Variants in ZNF704 observed in about 807,000 individuals in gnomAD.
The protein encoded by ZNF704 is zinc finger protein 704, also known as glucocorticoid induced gene 1.
A neutral mutation model predicts 44.7 loss-of-function variants in ZNF704; 10 were observed. That is an observed-to-expected ratio of 0.22 (90% CI 0.14 to 0.38). The LOEUF (loss-of-function observed/expected upper bound fraction) is 0.38, where lower values mean the gene tolerates loss of function less well. ZNF704 is among the 10% of genes least tolerant of loss of function. The probability of loss-of-function intolerance (pLI) is 1.00; values close to 1 mark genes in which losing one functional copy is unlikely to be tolerated. For missense variants in ZNF704, 390 were observed against 545.5 expected, an observed-to-expected ratio of 0.71 and a Z score of 2.84; for synonymous variants, 211 against 207.6, an observed-to-expected ratio of 1.02 and a Z score of -0.14.
intron 7 of ZNF704, among the ~76,000 whole-genome samples, chr8:80,656,729 T>C (rs554859985): frequency 1.3e-5 from 2 of 152,298 alleles, no homozygotes; most frequent in East Asian, 1.9e-4. Context: ...TTTTTCTCAC[T>C]TTCTAGGAAG....
intron 2 of ZNF704, among the ~76,000 whole-genome samples, chr8:80,700,435 AATACAGACC>A (rs1818791040): frequency 1.3e-5 from 2 of 152,236 alleles, no homozygotes; most frequent in Admixed American, 1.3e-4. Flanking sequence ...AAATGACAAT[AATACAGACC>A]TTAGAGGGTT....
rs531825294 is a variant in ZNF704, at chr8:80,873,297, C to T, written c.-22+1274G>A. ...CGGCACCCACACCAAACAACAAACC[C>T]GACACGGCCTTTGAGGAAAGCGGGA... On this transcript the variant is annotated intron_variant, in intron 1 of 8. Transcript: ENST00000327835. 2.6e-5 allele frequency among the ~76,000 whole-genome samples: 4 copies of T among 152,302 alleles called. No homozygotes were observed. In the East Asian group the frequency reaches 7.7e-4, roughly 29 times the overall value.
chr8:80,742,217 T>A (rs1198130679), intron 2 of ZNF704, among the ~76,000 whole-genome samples: 1 of 152,106 alleles, frequency 6.6e-6, no homozygotes, highest in African/African-American at 2.4e-5. Context: ...GGCGGGACCC[T>A]CCATTAGAAA....
chr8:80,664,669 A>T, intron 6 of ZNF704, 146 bp downstream of exon 6: 1 of 943,512 alleles, frequency 1.1e-6, no homozygotes, highest in Non-Finnish European at 1.6e-6. Flanking sequence ...GTGAGATCTT[A>T]GGCTTTAAAG....
intron 1 of ZNF704, among the ~76,000 whole-genome samples, chr8:80,827,651 A>C (rs1470116650): frequency 6.6e-6 from 1 of 152,234 alleles, no homozygotes; most frequent in Non-Finnish European, 1.5e-5. Context: ...TGGAGGCATC[A>C]CGCTACCTGA....
intron 2 of ZNF704, among the ~76,000 whole-genome samples, chr8:80,787,489 T>C (rs1807634733): frequency 6.6e-6 from 1 of 152,186 alleles, no homozygotes; most frequent in Non-Finnish European, 1.5e-5. Flanking sequence ...CAACATCCTG[T>C]GGAGGGTAAC....
intron 1 of ZNF704, among the ~76,000 whole-genome samples, chr8:80,843,187 T>C (rs921473130): frequency 1.3e-5 from 2 of 152,234 alleles, no homozygotes; most frequent in African/African-American, 4.8e-5. Context: ...GAAGATGTCA[T>C]TTAATTTAGT....
intron 2 of ZNF704, among the ~76,000 whole-genome samples, chr8:80,706,586 C>CAG: frequency 6.6e-6 from 1 of 152,244 alleles, no homozygotes; most frequent in East Asian, 1.9e-4. Context: ...TGTCTCCCCT[C>CAG]AGAGAGCAGC....
At chr8:80,710,882 T>A (rs765558882) in intron 2 of ZNF704, among the ~76,000 whole-genome samples, 1 of 152,176 alleles carries the variant, frequency 6.6e-6, no homozygotes, top group Non-Finnish European at 1.5e-5. Context: ...GCAATCAGCT[T>A]TCTTAGGTTG....
chr8:80,791,292 T>G (rs1175624324), intron 2 of ZNF704, among the ~76,000 whole-genome samples: 1 of 152,204 alleles, frequency 6.6e-6, no homozygotes, highest in African/African-American at 2.4e-5. Flanking sequence ...GAAGAATGCA[T>G]GCAAAGGTGA....
chr8:80,691,981 C>T (rs758309863), intron 3 of ZNF704, among the ~76,000 whole-genome samples: 2 of 152,130 alleles, frequency 1.3e-5, no homozygotes, highest in East Asian at 1.9e-4. Flanking sequence ...TCACATTTCT[C>T]GATTATGTCG....
At chr8:80,693,645 G>A (rs1282051179) in intron 2 of ZNF704, among the ~76,000 whole-genome samples, 3 of 152,156 alleles carry the variant, frequency 2.0e-5, no homozygotes, top group African/African-American at 7.2e-5. Flanking sequence ...TCTGTCCTGA[G>A]GGGCAGGGAA....
At chr8:80,867,744 T>C (rs1809180949) in intron 1 of ZNF704, among the ~76,000 whole-genome samples, 1 of 152,188 alleles carries the variant, frequency 6.6e-6, no homozygotes, top group Admixed American at 6.5e-5. Flanking sequence ...CTTCTTAAAG[T>C]CATCTGATAT....
chr8:80,755,359 G>A (rs1454096461), intron 2 of ZNF704, among the ~76,000 whole-genome samples: 1 of 152,152 alleles, frequency 6.6e-6, no homozygotes, highest in Admixed American at 6.5e-5. Context: ...GGAGGTTGAG[G>A]CAGGAGAATT....
chr8:80,639,874 T>A lies in ZNF704; in HGVS notation c.*1492A>T, dbSNP rs1009131717. The A allele has an allele frequency of 1.3e-5, 2 of 152,624 alleles. No individual in the cohort carries two copies. The highest frequency in any genetic ancestry group is 4.8e-5 in the African/African-American group (2 of 41,448). The allele number at this position is 152,624 out of a possible 1,614,324, so 9.5% of individuals were successfully genotyped here. ...CCCTGTCCCTATACAGTGCCTCCTA[T>A]AAGGTGCTCTTCCTACTTTGCATAG... On this transcript the variant is annotated 3_prime_UTR_variant, in exon 9 of 9. Transcript: ENST00000327835.
At chr8:80,645,073 T>C (rs1817805945) in intron 7 of ZNF704, 9 of 1,500,316 alleles carry the variant, frequency 6.0e-6, no homozygotes, top group Middle Eastern at 2.3e-4. Context: ...AAATGGGTTT[T>C]AGGGACCAGC....
At chr8:80,713,206 C>T (rs1164802599) in intron 2 of ZNF704, among the ~76,000 whole-genome samples, 1 of 152,164 alleles carries the variant, frequency 6.6e-6, no homozygotes, top group Non-Finnish European at 1.5e-5. Context: ...TGTTTTGTCA[C>T]CCTTGTTCAC....
chr8:80,662,426 G>T (rs1299667866), intron 6 of ZNF704, among the ~76,000 whole-genome samples: 1 of 152,100 alleles, frequency 6.6e-6, no homozygotes, highest in Non-Finnish European at 1.5e-5. Flanking sequence ...TTATATAGAT[G>T]AGCAAAATGA....
intron 1 of ZNF704, among the ~76,000 whole-genome samples, chr8:80,867,368 C>A (rs1193578712): frequency 6.6e-6 from 1 of 152,152 alleles, no homozygotes; most frequent in Non-Finnish European, 1.5e-5. Flanking sequence ...TTTCAACCCA[C>A]AACTCTAAGG....
Sources: allele counts gnomAD v4.1 joint callset (sites outside exome capture counted in the v4.1 genomes callset), GRCh38; gene constraint gnomAD v4.1.1; transcripts MANE v1.5; gene names NCBI Gene and HGNC (gene_info 2026-07-23, HGNC 2026-07-21).